Variants in PTK7 observed in about 807,000 individuals in gnomAD.
PTK7 encodes the protein inactive tyrosine-protein kinase 7.
A neutral mutation model predicts 116.6 loss-of-function variants in PTK7; 39 were observed. The ratio of observed to expected loss-of-function variants is 0.33; its 90% CI spans 0.26 to 0.44. PTK7 has a LOEUF of 0.44. Ranked by LOEUF, PTK7 falls within the 20% of genes least tolerant of loss-of-function variation. The probability of loss-of-function intolerance (pLI) is 1.00; values close to 1 mark genes in which losing one functional copy is unlikely to be tolerated. For missense variants in PTK7, 1,169 were observed against 1,425.6 expected (o/e 0.82, Z 2.90); for synonymous variants, 546 against 563.6 (o/e 0.97, Z 0.44).
rs536400836 is a variant in PTK7 at position 43,131,876 on chromosome 6, G to A, written c.813-140G>A. ...GCAGGCACACACACCAGTCTGGAGT[G>A]TCAGCTTCCTTCTCTCTGCCCTGTT... On this transcript the variant is annotated intron_variant, in intron 5 of 19. Transcript: ENST00000230419. 5 of 1,165,428 alleles carry A rather than the reference G, an allele frequency of 4.3e-6. No individual in the cohort carries two copies. The South Asian group carries it at 7.1e-5, about 17-fold the overall frequency. 72.2% of individuals were successfully genotyped at this position (1,165,428 alleles called of 1,614,324 possible).
chr6:43,076,810 C>G lies in PTK7; in HGVS notation c.79+243C>G. On this transcript the variant is annotated intron_variant, in intron 1 of 19. Coordinates refer to ENST00000230419, the MANE Select transcript of PTK7 (RefSeq NM_002821.5). This position sits in a 1 kb window ranked among gnomAD's most constrained non-coding sequence, Gnocchi z 5.7. ...TCGCGCCGCGGGGACGCATTTCCAG[C>G]CTCCCTGAGTTTTTCTGGTCTGAGC... 1.4e-6 allele frequency: 2 copies of G among 1,408,972 alleles called. No homozygotes were observed. Among genetic ancestry groups the G allele is most frequent in the Non-Finnish European group, 1.8e-6 (2 of 1,081,126 alleles). The allele number at this position is 1,408,972 out of a possible 1,614,324, so 87.3% of individuals were successfully genotyped here. A position where few individuals can be genotyped will look rare whatever the true frequency, so the allele number is the denominator to read the frequency against.
At chr6:43,115,949 G>GGA (rs3077972) in intron 1 of PTK7, among the ~76,000 whole-genome samples, 1 of 140,146 alleles carries the variant, frequency 7.1e-6, no homozygotes, top group Non-Finnish European at 1.6e-5. Flanking sequence ...AAAAAAAAAG[G>GGA]CAGTGGGCCC....
intron 17 of PTK7, among the ~76,000 whole-genome samples, chr6:43,150,734 T>G (rs1771012032): frequency 6.7e-6 from 1 of 148,222 alleles, no homozygotes; most frequent in South Asian, 2.2e-4. Context: ...CCAGTGCACC[T>G]GAGGCATTCT....
intron 1 of PTK7, among the ~76,000 whole-genome samples, chr6:43,113,997 G>C (rs534696875): frequency 6.6e-6 from 1 of 152,180 alleles, no homozygotes; most frequent in East Asian, 1.9e-4. Flanking sequence ...GAGCAGCCCC[G>C]GGGCCTGTGG....
intron 1 of PTK7, among the ~76,000 whole-genome samples, chr6:43,089,380 TAGA>T (rs1391611910): frequency 6.6e-6 from 1 of 152,146 alleles, no homozygotes; most frequent in East Asian, 1.9e-4. Flanking sequence ...GTTTCCCACC[TAGA>T]AGAAGAGGGA....
chr6:43,079,965 G>A (rs993529491), intron 1 of PTK7, among the ~76,000 whole-genome samples: 1 of 151,274 alleles, frequency 6.6e-6, no homozygotes. Context: ...GGAGACTGAG[G>A]TGGGAGTATT....
chr6:43,146,393 C>T (rs1407254086), intron 16 of PTK7, among the ~76,000 whole-genome samples: 1 of 151,988 alleles, frequency 6.6e-6, no homozygotes, highest in Non-Finnish European at 1.5e-5. Context: ...GGTAGAAATG[C>T]CAATTCTCCT....
Position 43,141,905 on chromosome 6 carries a change from C to A in PTK7, c.1769-26C>A. On this transcript the variant is annotated intron_variant, in intron 11 of 19. Transcript: ENST00000230419. The surrounding 1 kb of genome is among the most constrained non-coding windows in gnomAD (Gnocchi z 4.9). ...CAGCCCCTTGGCTTACCCCTCCCTG[C>A]GCCTCGCTGGTCTCTTTTCTTCCAG... 1.3e-6 allele frequency: 2 copies of A among 1,594,498 alleles called. No homozygotes were observed. The highest frequency in any genetic ancestry group is 1.3e-5 in the African/African-American group (1 of 74,642).
Position 43,159,957 on chromosome 6 carries a change from G to T in PTK7, c.3043G>T (p.Val1015Leu), listed in dbSNP as rs1771748206. The part of the protein sequence containing the change: ...MPHGGQADDE[V>L]LADLQAGKAR... ...CCATGGTGGGCAGGCAGATGATGAA[G>T]TACTGGCAGGTAGGCAGCCTTGCTG... Residue 1015 changes from valine (V) to leucine (L), a missense_variant, in exon 19 of 20, where the codon GTA becomes TTA. Coordinates refer to ENST00000230419, the MANE Select transcript of PTK7 (RefSeq NM_002821.5). 3 of 1,613,510 alleles carry T rather than the reference G, an allele frequency of 1.9e-6. No homozygotes were observed. The highest frequency in any genetic ancestry group is 4.5e-5 in the East Asian group (2 of 44,880).
chr6:43,153,707 G>A (rs1012585864), intron 17 of PTK7, among the ~76,000 whole-genome samples: 12 of 152,056 alleles, frequency 7.9e-5, no homozygotes, highest in African/African-American at 1.9e-4. Context: ...TAGCTACTGC[G>A]CTAAACAGAA....
At chr6:43,116,244 AG>A (rs981389712) in intron 1 of PTK7, among the ~76,000 whole-genome samples, 2 of 152,144 alleles carry the variant, frequency 1.3e-5, no homozygotes, top group Non-Finnish European at 2.9e-5. Context: ...GGGTCGCAAG[AG>A]GGGCCTTTGA....
Position 43,145,168 on chromosome 6 carries a change from A to G in PTK7, c.2408-32A>G, listed in dbSNP as rs1582197527. 1 of 1,559,008 alleles carries G rather than the reference A, an allele frequency of 6.4e-7. No individual in the cohort carries two copies. The highest frequency in any genetic ancestry group is 8.7e-7 in the Non-Finnish European group (1 of 1,148,076). On this transcript the variant is annotated intron_variant, in intron 15 of 19. Coordinates refer to ENST00000230419, the MANE Select transcript of PTK7 (RefSeq NM_002821.5). The surrounding 1 kb of genome is among the most constrained non-coding windows in gnomAD (Gnocchi z 4.8). ...TCAGGAGCTGCCTCGGCCTGGGTGA[A>G]GGTGGCTGGCTGACTCAGACTGTAC...
At position 43,139,013 on chromosome 6, in the gene PTK7, G is replaced by A. The variant is rs1204536865; in HGVS notation, c.1362+31G>A. 5 of 1,609,802 alleles carry A rather than the reference G, an allele frequency of 3.1e-6. No homozygotes were observed. The highest frequency in any genetic ancestry group is 2.2e-5 in the East Asian group (1 of 44,806). On this transcript the variant is annotated intron_variant, in intron 8 of 19. Coordinates refer to ENST00000230419, the MANE Select transcript of PTK7 (RefSeq NM_002821.5). The surrounding 1 kb of genome is among the most constrained non-coding windows in gnomAD (Gnocchi z 4.6). ...AAAGAAGAGTGTTGCTAGTGGATGGGCGGGGCCTTCCCTCCACTTGCCCTC... is the reference window on the plus strand; with the variant it reads ...AAAGAAGAGTGTTGCTAGTGGATGGACGGGGCCTTCCCTCCACTTGCCCTC...
intron 1 of PTK7, among the ~76,000 whole-genome samples, chr6:43,106,827 G>C (rs535054513): frequency 6.6e-6 from 1 of 151,746 alleles, no homozygotes; most frequent in African/African-American, 2.4e-5. Flanking sequence ...TGTTGGCCAG[G>C]CTTGTCTTGA....
intron 1 of PTK7, among the ~76,000 whole-genome samples, chr6:43,094,692 A>G (rs984682909): frequency 6.6e-6 from 1 of 151,504 alleles, no homozygotes; most frequent in African/African-American, 2.4e-5. Context: ...GTTAGCCAGG[A>G]TGGTCTCGAT....
Position 43,076,776 on chromosome 6 carries a change from C to T in PTK7, c.79+209C>T. On this transcript the variant is annotated intron_variant, in intron 1 of 19. Transcript: ENST00000230419. This position sits in a 1 kb window ranked among gnomAD's most constrained non-coding sequence, Gnocchi z 5.7. Reference sequence around the variant, plus strand: ...GCCTCCAGGGACGCGGTCAGGGTACCCCTCCCACTCGCGCCGCGGGGACGC... The same window carrying T: ...GCCTCCAGGGACGCGGTCAGGGTACTCCTCCCACTCGCGCCGCGGGGACGC... The T allele has an allele frequency of 7.1e-7, 1 of 1,404,738 alleles. No homozygotes were observed. The highest frequency in any genetic ancestry group is 9.3e-7 in the Non-Finnish European group (1 of 1,079,326). The allele number at this position is 1,404,738 out of a possible 1,614,324, so 87.0% of individuals were successfully genotyped here.
chr6:43,087,085 A>C (rs560335364), intron 1 of PTK7, among the ~76,000 whole-genome samples: 16 of 152,300 alleles, frequency 1.1e-4, no homozygotes, highest in African/African-American at 3.1e-4. Flanking sequence ...GTTTCAAGTG[A>C]GCCCTCTTCA....
intron 1 of PTK7, among the ~76,000 whole-genome samples, chr6:43,089,518 G>A (rs1228906889): frequency 2.6e-5 from 4 of 152,146 alleles, no homozygotes; most frequent in East Asian, 1.9e-4. Flanking sequence ...ACAGCCTCAG[G>A]GGGGAGAAAA....
intron 19 of PTK7, 67 bp downstream of exon 19, chr6:43,160,033 GGGCT>G: frequency 6.6e-7 from 1 of 1,514,948 alleles, no homozygotes; most frequent in African/African-American, 1.4e-5. Flanking sequence ...CAGGGCCCCA[GGGCT>G]GGTTCAGCCT....
Sources: allele counts gnomAD v4.1 joint callset (sites outside exome capture counted in the v4.1 genomes callset), GRCh38; gene constraint gnomAD v4.1.1; non-coding constraint Gnocchi (gnomAD v3.1); transcripts MANE v1.5; gene names NCBI Gene and HGNC (gene_info 2026-07-23, HGNC 2026-07-21).